The following WRN variants were observed in gnomAD, a reference collection of about 807,000 sequenced individuals.
WRN encodes the protein WRN RecQ like helicase.
A neutral mutation model predicts 180.7 loss-of-function variants in WRN; 149 were observed. The observed-to-expected ratio is 0.82, with a 90% CI of 0.72 to 0.94. The LOEUF (loss-of-function observed/expected upper bound fraction) is 0.94, where lower values mean the gene tolerates loss of function less well. WRN is among the 40% of genes least tolerant of loss of function. The pLI is 0.00. For synonymous variants in WRN, 548 were observed against 568.9 expected, an observed-to-expected ratio of 0.96 and a Z score of 0.52; for missense variants, 1,661 against 1,700.1, an observed-to-expected ratio of 0.98 and a Z score of 0.40.
At chr8:31,073,390 T>C (rs1161024851) in intron 7 of WRN, among the ~76,000 whole-genome samples, 3 of 152,208 alleles carry the variant, frequency 2.0e-5, no homozygotes, top group African/African-American at 7.2e-5. Flanking sequence ...CATTAAGATA[T>C]TTTGGTCAGA....
intron 9 of WRN, among the ~76,000 whole-genome samples, chr8:31,083,238 AATAC>A (rs1188610826): frequency 1.3e-5 from 2 of 152,218 alleles, no homozygotes; most frequent in Non-Finnish European, 2.9e-5. Flanking sequence ...CTTTTTGTAA[AATAC>A]TGATTTATTT....
At chr8:31,166,883 A>T in intron 33 of WRN, 139 bp from the exon 34 acceptor site, 1 of 766,952 alleles carries the variant, frequency 1.3e-6, no homozygotes, top group Non-Finnish European at 2.1e-6. Context: ...GTAAGGCTAT[A>T]GGCATTTGAA....
intron 7 of WRN, among the ~76,000 whole-genome samples, chr8:31,071,198 C>T (rs1348683955): frequency 1.3e-5 from 2 of 151,708 alleles, no homozygotes; most frequent in African/African-American, 4.8e-5. Context: ...TAGGGCTGGG[C>T]GGATGAAGGC....
At chr8:31,051,752 G>A (rs1812084418) in intron 1 of WRN, among the ~76,000 whole-genome samples, 1 of 152,166 alleles carries the variant, frequency 6.6e-6, no homozygotes, top group Non-Finnish European at 1.5e-5. Context: ...CGATTATGGA[G>A]ATTAAAAATC....
chr8:31,124,975 A>G lies in WRN; in HGVS notation c.2800A>G (p.Lys934Glu). The G allele has an allele frequency of 6.2e-7, 1 of 1,613,214 alleles. No homozygotes were observed. Among genetic ancestry groups the G allele is most frequent in the Non-Finnish European group, 8.5e-7 (1 of 1,179,450 alleles). ...CTCCTTGGGAATTATGGGAACTGAA[A>G]AATGCTGTGATAATTGCAGGTCCAG... The part of the protein sequence containing the change: ...KASLGIMGTE[K>E]CCDNCRSRLD... Residue 934 changes from lysine to glutamate, a missense_variant, in exon 23 of 35, where the codon AAA becomes GAA. Lys to Glu is a moderately conservative substitution (Grantham distance 56). This residue lies in a region of WRN where 1,141 missense variants were observed against 1,149.4 expected (regional missense o/e 0.99). Transcript: ENST00000298139.
chr8:31,044,414 T>C (rs1294391746), intron 1 of WRN, among the ~76,000 whole-genome samples: 1 of 127,714 alleles, frequency 7.8e-6, no homozygotes, highest in African/African-American at 2.9e-5. Context: ...TGGAGTGCAA[T>C]GGCACGTTTT....
intron 23 of WRN, among the ~76,000 whole-genome samples, chr8:31,128,974 TA>T (rs1802041804): frequency 8.7e-6 from 1 of 115,538 alleles, no homozygotes; most frequent in Admixed American, 9.5e-5. Flanking sequence ...CATGCTGTTT[TA>T]TTTTTTTTTA....
chr8:31,169,844 G>A (rs1804037191), intron 34 of WRN, among the ~76,000 whole-genome samples: 1 of 151,602 alleles, frequency 6.6e-6, no homozygotes. Context: ...CCTTCTCCTA[G>A]AAGGCAGCCT....
intron 23 of WRN, among the ~76,000 whole-genome samples, chr8:31,127,134 C>T (rs1049715692): frequency 4.6e-5 from 7 of 152,140 alleles, no homozygotes; most frequent in African/African-American, 1.7e-4. Flanking sequence ...ATGACAAATT[C>T]TACCAAACAT....
intron 7 of WRN, 73 bp downstream of exon 7, chr8:31,068,400 A>G: frequency 7.9e-7 from 1 of 1,271,638 alleles, no homozygotes; most frequent in Non-Finnish European, 1.1e-6. Context: ...GGCAATATTC[A>G]CATATTTGCA....
chr8:31,049,703 C>G (rs1200242727), intron 1 of WRN, among the ~76,000 whole-genome samples: 1 of 152,044 alleles, frequency 6.6e-6, no homozygotes, highest in Non-Finnish European at 1.5e-5. Flanking sequence ...TATATCTTAT[C>G]TAATTCATAT....
chr8:31,118,240 A>G (rs190706595), intron 20 of WRN, among the ~76,000 whole-genome samples: 1 of 152,224 alleles, frequency 6.6e-6, no homozygotes, highest in East Asian at 1.9e-4. Context: ...GGAAGAGTAT[A>G]TGCATGTATG....
At chr8:31,129,700 A>G (rs1047697553) in intron 23 of WRN, among the ~76,000 whole-genome samples, 8 of 152,206 alleles carry the variant, frequency 5.3e-5, no homozygotes, top group African/African-American at 1.7e-4. Flanking sequence ...GATAGTTACA[A>G]TGATATACAT....
chr8:31,074,925 G>C (rs1327370496), intron 7 of WRN, among the ~76,000 whole-genome samples: 1 of 152,152 alleles, frequency 6.6e-6, no homozygotes, highest in Non-Finnish European at 1.5e-5. Context: ...TGGAAGGAAA[G>C]ATAGGGATGC....
In WRN at chr8:31,033,895, C is replaced by T. The variant is rs1325474002; in HGVS notation, c.-155C>T. On this transcript the variant is annotated 5_prime_UTR_variant, in exon 1 of 35. Coordinates refer to ENST00000298139, the MANE Select transcript of WRN (RefSeq NM_000553.6). ...CTGATTTGGTGTCTAGCCTGGATGCCTGGGTTGCAGGCCCTGCTTGTGGTG... is the reference window on the plus strand; with the variant it reads ...CTGATTTGGTGTCTAGCCTGGATGCTTGGGTTGCAGGCCCTGCTTGTGGTG... 4 of 152,620 alleles carry T rather than the reference C, an allele frequency of 2.6e-5. No individual in the cohort carries two copies. The highest frequency in any genetic ancestry group is 9.6e-5 in the African/African-American group (4 of 41,454). The allele number at this position is 152,620 out of a possible 1,614,324, so 9.5% of individuals were successfully genotyped here. A position where few individuals can be genotyped will look rare whatever the true frequency, so the allele number is the denominator to read the frequency against.
chr8:31,082,904 T>C (rs1344319320), intron 9 of WRN, among the ~76,000 whole-genome samples: 2 of 152,234 alleles, frequency 1.3e-5, no homozygotes, highest in Non-Finnish European at 2.9e-5. Context: ...AGTATTGCTT[T>C]CTTTATTCGT....
At chr8:31,081,761 T>A (rs900709730) in intron 9 of WRN, among the ~76,000 whole-genome samples, 3 of 152,160 alleles carry the variant, frequency 2.0e-5, no homozygotes, top group African/African-American at 7.2e-5. Flanking sequence ...AATTTTTTTC[T>A]TTTTTCTTTC....
chr8:31,088,419 A>G (rs1295342269), intron 12 of WRN, among the ~76,000 whole-genome samples: 1 of 152,154 alleles, frequency 6.6e-6, no homozygotes, highest in Non-Finnish European at 1.5e-5. Context: ...TTAGGTAACT[A>G]AACTAAACGA....
intron 18 of WRN, among the ~76,000 whole-genome samples, chr8:31,109,900 C>T (rs968824657): frequency 6.6e-6 from 1 of 152,092 alleles, no homozygotes; most frequent in African/African-American, 2.4e-5. Flanking sequence ...CTGTTAACTT[C>T]TTAAATATAT....
Sources: allele counts gnomAD v4.1 joint callset (sites outside exome capture counted in the v4.1 genomes callset), GRCh38; gene constraint gnomAD v4.1.1; regional missense constraint gnomAD v4.1.1; transcripts MANE v1.5; gene names NCBI Gene and HGNC (gene_info 2026-07-23, HGNC 2026-07-21).